GABRG3: variants seen among roughly 807,000 people sequenced by gnomAD.
GABRG3 encodes gamma-aminobutyric acid type A receptor subunit gamma3.
GABRG3 carries 25 observed loss-of-function variants against 48.8 expected under a neutral mutation model. The observed-to-expected ratio is 0.51, with a 90% confidence interval of 0.37 to 0.72. The LOEUF (loss-of-function observed/expected upper bound fraction) is 0.72. Among genes scored for constraint, GABRG3 ranks in the 30% least tolerant of loss-of-function variants. The pLI, the probability that GABRG3 is intolerant of heterozygous loss-of-function variation, is 0.00. For missense variants in GABRG3, 394 were observed against 577.9 expected (o/e 0.68, Z 3.26); for synonymous variants, 227 against 217.6 (o/e 1.04, Z -0.38).
chr15:27,306,465 CATGTCTATATATAAACATATAT>C (rs1399339538), intron 3 of GABRG3, among the ~76,000 whole-genome samples: 18 of 138,634 alleles, frequency 1.3e-4, no homozygotes, highest in African/African-American at 4.5e-4. Context: ...TAAACATAAA[CATGTCTATATATAAACATATAT>C]ATAATATAAA....
In GABRG3 at chr15:27,459,656, T is replaced by TA. The variant is rs552525071; in HGVS notation, c.575-20987dup. Among the ~76,000 whole-genome samples the TA allele has an allele frequency of 1.3e-3, 192 of 152,210 alleles. 1 individual carries two copies. Among genetic ancestry groups the TA allele is most frequent in the African/African-American group, 4.4e-3 (184 of 41,548 alleles). On this transcript the variant is annotated intron_variant, in intron 5 of 9. Transcript: ENST00000615808. ...TTTTTAAAAAAGAAAAAGGAAACTATAAAAAAATATAATTAGCATAGTGAA... is the reference window on the plus strand; with the variant it reads ...TTTTTAAAAAAGAAAAAGGAAACTATAAAAAAAATATAATTAGCATAGTGAA...
chr15:27,284,552 C>T (rs891153706), intron 3 of GABRG3, among the ~76,000 whole-genome samples: 1 of 152,186 alleles, frequency 6.6e-6, no homozygotes, highest in East Asian at 1.9e-4. Flanking sequence ...GAGGAAATGG[C>T]ATCTTCACCC....
At chr15:27,113,371 TAGAC>T (rs1322898482) in intron 3 of GABRG3, among the ~76,000 whole-genome samples, 1 of 152,192 alleles carries the variant, frequency 6.6e-6, no homozygotes, top group Non-Finnish European at 1.5e-5. Flanking sequence ...GGTCTGCTCA[TAGAC>T]TGACTTGATA....
rs371617539 is a variant in GABRG3, at chr15:27,008,323, G to A, written c.203-18431G>A. 1.4e-4 allele frequency among the ~76,000 whole-genome samples: 22 copies of A among 152,298 alleles called. No homozygotes were observed. In the South Asian group the frequency reaches 4.6e-3, roughly 32 times the overall value. On this transcript the variant is annotated intron_variant, in intron 2 of 9. Coordinates refer to ENST00000615808, the MANE Select transcript of GABRG3 (RefSeq NM_033223.5). ...ACATGAGCCCACGTGGCTAAAAAGA[G>A]TAACTCACTCTCAATAGTCTCATAT... is the stretch of plus-strand genomic sequence containing the variant.
At chr15:27,082,464 A>G (rs1039521803) in intron 3 of GABRG3, among the ~76,000 whole-genome samples, 49 of 152,204 alleles carry the variant, frequency 3.2e-4, no homozygotes, top group African/African-American at 1.0e-3. Context: ...AGACAAAAAA[A>G]ATTCTGCAGG....
At chr15:27,120,934 G>T (rs1237902633) in intron 3 of GABRG3, among the ~76,000 whole-genome samples, 1 of 152,096 alleles carries the variant, frequency 6.6e-6, no homozygotes, top group Non-Finnish European at 1.5e-5. Flanking sequence ...ATCAATTTTT[G>T]CTCAAGCGTA....
Position 27,520,057 on chromosome 15 carries a change from G to T in GABRG3, c.798G>T (p.Leu266=), listed in dbSNP as rs758260967. The T allele has an allele frequency of 1.2e-6, 2 of 1,602,086 alleles. No homozygotes were observed. The highest frequency in any genetic ancestry group is 1.7e-4 in the Middle Eastern group (1 of 6,048). Residue 266 remains leucine, a synonymous_variant, in exon 7 of 10, where the codon CTG becomes CTT. Coordinates refer to ENST00000615808, the MANE Select transcript of GABRG3 (RefSeq NM_033223.5). ...FTIQTYIPCI[L]TVVLSWVSFW... Reference sequence around the variant, plus strand: ...TTCAGACATACATTCCCTGTATACTGACTGTGGTTTTATCCTGGGTGTCAT... The same window carrying T: ...TTCAGACATACATTCCCTGTATACTTACTGTGGTTTTATCCTGGGTGTCAT...
At chr15:27,038,756 G>C (rs1896222952) in intron 3 of GABRG3, among the ~76,000 whole-genome samples, 1 of 152,216 alleles carries the variant, frequency 6.6e-6, no homozygotes, top group African/African-American at 2.4e-5. Flanking sequence ...GAAAGGCAGA[G>C]GGTAGGGGGC....
At chr15:27,099,449 C>A (rs940584209) in intron 3 of GABRG3, among the ~76,000 whole-genome samples, 2 of 152,062 alleles carry the variant, frequency 1.3e-5, no homozygotes, top group East Asian at 3.9e-4. Flanking sequence ...TTTGTTTGTG[C>A]CTGTGTTCAA....
At chr15:27,088,958 A>T (rs1897137301) in intron 3 of GABRG3, among the ~76,000 whole-genome samples, 1 of 152,168 alleles carries the variant, frequency 6.6e-6, no homozygotes, top group South Asian at 2.1e-4. Context: ...TGCCGGGTCC[A>T]GGGCATTGAA....
In GABRG3 at chr15:26,975,400, A is replaced by G. The variant is rs1310545082; in HGVS notation, c.54-1602A>G. ...CCTTCTAGCCAATAGGTACTCAAGA[A>G]ATAGAGTTATACTTTAAGATCAGCC... On this transcript the variant is annotated intron_variant, in intron 1 of 9. Coordinates refer to ENST00000615808, the MANE Select transcript of GABRG3 (RefSeq NM_033223.5). This position sits in a 1 kb window ranked among gnomAD's most constrained non-coding sequence, Gnocchi z 4.6. 6.6e-6 allele frequency among the ~76,000 whole-genome samples: 1 copy of G among 152,198 alleles called. No homozygotes were observed. Among genetic ancestry groups the G allele is most frequent in the African/African-American group, 2.4e-5 (1 of 41,458 alleles).
chr15:27,090,477 C>T (rs1897165976), intron 3 of GABRG3, among the ~76,000 whole-genome samples: 1 of 152,168 alleles, frequency 6.6e-6, no homozygotes, highest in Non-Finnish European at 1.5e-5. Context: ...TTTTCTATAG[C>T]AGCTGCACCG....
rs1227567244 is a variant in GABRG3 at position 27,352,412 on chromosome 15, C to T, written c.574+23524C>T. On this transcript the variant is annotated intron_variant, in intron 5 of 9. Transcript: ENST00000615808. This position sits in a 1 kb window ranked among gnomAD's most constrained non-coding sequence, Gnocchi z 4.0. ...CGTTAGCTGAAGCTTAGAAAAATAA[C>T]CCAGGAAATCCCACAAGATGTAAAT... 6.6e-6 allele frequency among the ~76,000 whole-genome samples: 1 copy of T among 151,974 alleles called. No individual in the cohort carries two copies. Among genetic ancestry groups the T allele is most frequent in the African/African-American group, 2.4e-5 (1 of 41,332 alleles).
chr15:27,149,971 G>A (rs1898280602), intron 3 of GABRG3, among the ~76,000 whole-genome samples: 1 of 152,100 alleles, frequency 6.6e-6, no homozygotes. Context: ...GTGATCTTGG[G>A]CAAGTAGGTT....
intron 3 of GABRG3, among the ~76,000 whole-genome samples, chr15:27,296,547 A>G (rs1327552947): frequency 6.6e-6 from 1 of 152,188 alleles, no homozygotes; most frequent in Non-Finnish European, 1.5e-5. Flanking sequence ...TGTGCTACAT[A>G]ATGATGTTTC....
Position 27,335,784 on chromosome 15 carries a change from G to A in GABRG3, c.574+6896G>A, listed in dbSNP as rs114140161. The stretch of plus-strand genomic sequence containing the variant: ...TTGGGAATGTACTTACTATGACTGA[G>A]TTGTACACTGAAAATGATTAAAATG... On this transcript the variant is annotated intron_variant, in intron 5 of 9. Coordinates refer to ENST00000615808, the MANE Select transcript of GABRG3 (RefSeq NM_033223.5). Among the ~76,000 whole-genome samples the A allele has an allele frequency of 6.1e-3, 936 of 152,240 alleles. 12 individuals carry two copies. The highest frequency in any genetic ancestry group is 0.022 in the African/African-American group (894 of 41,528).
At chr15:27,308,903 A>T (rs1445098613) in intron 3 of GABRG3, among the ~76,000 whole-genome samples, 2 of 150,402 alleles carry the variant, frequency 1.3e-5, no homozygotes, top group Non-Finnish European at 3.0e-5. Context: ...TTATATGAAA[A>T]CAGAATGTAA....
At chr15:27,399,448 T>C (rs1887415648) in intron 5 of GABRG3, among the ~76,000 whole-genome samples, 1 of 152,244 alleles carries the variant, frequency 6.6e-6, no homozygotes, top group Non-Finnish European at 1.5e-5. Context: ...AAGTGCCTTA[T>C]TTAATTACAT....
rs1313487371 is a variant in GABRG3 at position 27,533,864 on chromosome 15, TGCTCTGTCACCTGG to T, written c.*984_*997del. ...ATTTTATTTTTTTGAGACAGAGTCA[TGCTCTGTCACCTGG>T]CCAGGCTGGAGTGCAGTGGCACAAT... is the stretch of plus-strand genomic sequence containing the variant. On this transcript the variant is annotated 3_prime_UTR_variant, in exon 10 of 10. Coordinates refer to ENST00000615808, the MANE Select transcript of GABRG3 (RefSeq NM_033223.5). 1 of 152,154 alleles carries T rather than the reference TGCTCTGTCACCTGG, an allele frequency of 6.6e-6. No homozygotes were observed. The highest frequency in any genetic ancestry group is 1.5e-5 in the Non-Finnish European group (1 of 68,028). 9.4% of individuals were successfully genotyped at this position (152,154 alleles called of 1,614,324 possible). A position where few individuals can be genotyped will look rare whatever the true frequency, so the allele number is the denominator to read the frequency against.
Sources: allele counts gnomAD v4.1 joint callset (sites outside exome capture counted in the v4.1 genomes callset), GRCh38; gene constraint gnomAD v4.1.1; non-coding constraint Gnocchi (gnomAD v3.1); transcripts MANE v1.5; gene names NCBI Gene and HGNC (gene_info 2026-07-23, HGNC 2026-07-21).